Variants in SLAMF1 observed in about 807,000 individuals in gnomAD.
The protein encoded by SLAMF1 is signaling lymphocytic activation molecule.
Under a neutral mutation model 35.1 loss-of-function variants are expected in SLAMF1, and 18 were observed. The ratio of observed to expected loss-of-function variants is 0.51; its 90% CI spans 0.35 to 0.76. SLAMF1 has a LOEUF of 0.76. SLAMF1 is among the 30% of genes least tolerant of loss of function. The probability of loss-of-function intolerance (pLI) is 0.01; values close to 1 mark genes in which losing one functional copy is unlikely to be tolerated. For missense variants in SLAMF1, 392 were observed against 413.0 expected, an observed-to-expected ratio of 0.95 and a Z score of 0.44; for synonymous variants, 168 against 157.2, an observed-to-expected ratio of 1.07 and a Z score of -0.51.
intron 5 of SLAMF1, among the ~76,000 whole-genome samples, chr1:160,618,888 A>C (rs1338712001): frequency 6.6e-6 from 1 of 151,932 alleles, no homozygotes; most frequent in East Asian, 1.9e-4. Flanking sequence ...ATTTAAATGG[A>C]GTTTAGTTGG....
chr1:160,618,277 A>T (rs187187595), intron 5 of SLAMF1, among the ~76,000 whole-genome samples: 4 of 152,354 alleles, frequency 2.6e-5, no homozygotes, highest in Admixed American at 2.6e-4. Context: ...GACTTGCTTT[A>T]CCAAATATCG....
At chr1:160,629,548 G>A (rs767589771) in intron 3 of SLAMF1, among the ~76,000 whole-genome samples, 1 of 152,112 alleles carries the variant, frequency 6.6e-6, no homozygotes, top group Non-Finnish European at 1.5e-5. Flanking sequence ...ATTCAGAACT[G>A]GGGGTGGGGA....
At chr1:160,637,016 A>G (rs1660486015) in intron 2 of SLAMF1, 175 bp downstream of exon 2, 3 of 597,102 alleles carry the variant, frequency 5.0e-6, no homozygotes, top group Non-Finnish European at 9.0e-6. Flanking sequence ...TTTGGAAAAA[A>G]AAATGTCAAC....
intron 1 of SLAMF1, among the ~76,000 whole-genome samples, chr1:160,641,210 A>C (rs978096954): frequency 6.6e-6 from 1 of 152,192 alleles, no homozygotes; most frequent in Non-Finnish European, 1.5e-5. Flanking sequence ...TCTTAAAGGG[A>C]TCTGAGATTC....
In SLAMF1 at chr1:160,608,923, G is replaced by A. The variant is rs1163077437; in HGVS notation, c.*1825C>T. On this transcript the variant is annotated 3_prime_UTR_variant, in exon 7 of 7. Coordinates refer to ENST00000302035, the MANE Select transcript of SLAMF1 (RefSeq NM_003037.5). ...TCCTTAATTCATAAGAAGTGAAAGT[G>A]GAAAATGCCAGATATTCAATTCCCA... 2 of 152,144 alleles carry A rather than the reference G, an allele frequency of 1.3e-5. No homozygotes were observed. The highest frequency in any genetic ancestry group is 2.9e-5 in the Non-Finnish European group (2 of 68,030). 9.4% of individuals were successfully genotyped at this position (152,144 alleles called of 1,614,324 possible). A position where few individuals can be genotyped will look rare whatever the true frequency, so the allele number is the denominator to read the frequency against.
At chr1:160,630,414 T>C (rs1660104384) in intron 3 of SLAMF1, among the ~76,000 whole-genome samples, 1 of 152,204 alleles carries the variant, frequency 6.6e-6, no homozygotes, top group African/African-American at 2.4e-5. Context: ...CCTGTCAAGA[T>C]TCAGTGCTCA....
In SLAMF1 at chr1:160,634,914, G is replaced by A. The variant is rs1215137345; in HGVS notation, c.416-17C>T. The stretch of plus-strand genomic sequence containing the variant: ...AGACCTGCTCTGTCAGGAGTGGGAG[G>A]AAGGGAGCCATCACTGAAGTGAACC... On this transcript the variant is annotated splice_polypyrimidine_tract_variant and intron_variant, in intron 2 of 6. Coordinates refer to ENST00000302035, the MANE Select transcript of SLAMF1 (RefSeq NM_003037.5). 1 of 1,593,722 alleles carries A rather than the reference G, an allele frequency of 6.3e-7. No individual in the cohort carries two copies. The highest frequency in any genetic ancestry group is 1.7e-5 in the Admixed American group (1 of 58,438).
At position 160,624,068 on chromosome 1, in the gene SLAMF1, A is replaced by G. The variant is rs763120380; in HGVS notation, c.790+28T>C. Reference sequence around the variant, plus strand: ...CCCTGCTTACCACAGAGAGTGTGATAAGAATCTATTTATTGCCAGACACCT... The same window carrying G: ...CCCTGCTTACCACAGAGAGTGTGATGAGAATCTATTTATTGCCAGACACCT... On this transcript the variant is annotated intron_variant, in intron 4 of 6. Transcript: ENST00000302035. The G allele has an allele frequency of 2.7e-6, 4 of 1,468,682 alleles. No individual in the cohort carries two copies. In the Admixed American group the frequency reaches 5.6e-5, roughly 21 times the overall value. The allele number at this position is 1,468,682 out of a possible 1,614,324, so 91.0% of individuals were successfully genotyped here. A position where few individuals can be genotyped will look rare whatever the true frequency, so the allele number is the denominator to read the frequency against.
chr1:160,613,273 C>A (rs180911402), intron 5 of SLAMF1, among the ~76,000 whole-genome samples: 14 of 152,292 alleles, frequency 9.2e-5, no homozygotes, highest in Non-Finnish European at 1.2e-4. Context: ...CTAATTTACA[C>A]TTTATGGCAC....
chr1:160,611,319 TA>T (rs1658973577), intron 6 of SLAMF1, among the ~76,000 whole-genome samples: 1 of 152,252 alleles, frequency 6.6e-6, no homozygotes, highest in Non-Finnish European at 1.5e-5. Context: ...AAATGTTAAC[TA>T]TAGCATACTG....
At chr1:160,636,806 C>T (rs1398101274) in intron 2 of SLAMF1, among the ~76,000 whole-genome samples, 1 of 152,196 alleles carries the variant, frequency 6.6e-6, no homozygotes, top group Non-Finnish European at 1.5e-5. Context: ...TCACTGTCCT[C>T]ATGTAGGAGA....
intron 5 of SLAMF1, among the ~76,000 whole-genome samples, chr1:160,617,909 C>T (rs1483579673): frequency 6.6e-6 from 1 of 152,108 alleles, no homozygotes; most frequent in Non-Finnish European, 1.5e-5. Context: ...CCCATCTCTA[C>T]TAAAGATACA....
chr1:160,625,288 G>C (rs1659819744), intron 3 of SLAMF1, among the ~76,000 whole-genome samples: 3 of 152,188 alleles, frequency 2.0e-5, no homozygotes, highest in Admixed American at 2.0e-4. Flanking sequence ...TAATGTGTAA[G>C]GGAAACTTAT....
Position 160,637,530 on chromosome 1 carries a change from C to T in SLAMF1, c.77-1G>A, listed in dbSNP as rs750792324. The T allele has an allele frequency of 6.2e-7, 1 of 1,605,668 alleles. No individual in the cohort carries two copies. The highest frequency in any genetic ancestry group is 8.5e-7 in the Non-Finnish European group (1 of 1,177,896). Reference sequence around the variant, plus strand: ...TTTGGGCAGTTCATCATGCGCCCACCTGTGGGAGGGAGGAGAAGAGAGTCC... The same window carrying T: ...TTTGGGCAGTTCATCATGCGCCCACTTGTGGGAGGGAGGAGAAGAGAGTCC... On this transcript the variant is annotated splice_acceptor_variant, in intron 1 of 6. Transcript: ENST00000302035. LOFTEE classifies it high-confidence loss of function.
intron 2 of SLAMF1, among the ~76,000 whole-genome samples, chr1:160,635,207 G>A (rs1321953176): frequency 1.3e-5 from 2 of 152,206 alleles, no homozygotes; most frequent in Non-Finnish European, 2.9e-5. Context: ...TCCTATCAGT[G>A]GAGTTTGCTG....
chr1:160,618,493 C>T (rs1366502397), intron 5 of SLAMF1, among the ~76,000 whole-genome samples: 1 of 151,724 alleles, frequency 6.6e-6, no homozygotes, highest in Non-Finnish European at 1.5e-5. Context: ...GAAGTTAGTC[C>T]CCTCGAGTGT....
At chr1:160,612,383 T>C in intron 6 of SLAMF1, 105 bp downstream of exon 6, 1 of 673,654 alleles carries the variant, frequency 1.5e-6, no homozygotes, top group Non-Finnish European at 2.6e-6. Flanking sequence ...ATAGCTATTT[T>C]CCCTGATCCT....
At chr1:160,640,040 G>A (rs569439218) in intron 1 of SLAMF1, among the ~76,000 whole-genome samples, 1 of 152,052 alleles carries the variant, frequency 6.6e-6, no homozygotes, top group East Asian at 1.9e-4. Flanking sequence ...CCTCCAAGAG[G>A]CCTCCTCTGA....
At chr1:160,646,266 A>G (rs538458314) in intron 1 of SLAMF1, among the ~76,000 whole-genome samples, 4 of 152,156 alleles carry the variant, frequency 2.6e-5, no homozygotes, top group Non-Finnish European at 5.9e-5. Context: ...AGAAATCCCA[A>G]CTTCTTCCCT....
Sources: gnomAD v4.1 joint callset for allele counts (sites outside exome capture counted in the v4.1 genomes callset) on GRCh38, gnomAD v4.1.1 for gene constraint, MANE v1.5 for transcripts, NCBI Gene and HGNC (gene_info 2026-07-23, HGNC 2026-07-21) for gene names.